SAXO3: variants seen among roughly 807,000 people sequenced by gnomAD.
SAXO3 encodes the protein stabilizer of axonemal microtubules 3, also known as CTB-60B18.10.
chr19:49,017,978 G>A, the SAXO3 span: 2 of 398,430 alleles, frequency 5.0e-6, no homozygotes, highest in African/African-American at 2.1e-5. Context: ...TCACACCAGC[G>A]CCGGCTTCAA....
At chr19:49,019,578 C>A in the SAXO3 span, 1 of 1,231,186 alleles carries the variant, frequency 8.1e-7, no homozygotes, top group Non-Finnish European at 1.0e-6. Flanking sequence ...AGCCGTGATT[C>A]CTTCTGGCCC....
chr19:49,018,899 C>A, the SAXO3 span: 69 of 1,534,324 alleles, frequency 4.5e-5, no homozygotes, highest in Non-Finnish European at 1.4e-5. Context: ...AGTCCCGCGC[C>A]GAGGTGGTCA....
the SAXO3 span, chr19:49,019,594 C>A: frequency 7.9e-7 from 1 of 1,258,458 alleles, no homozygotes; most frequent in Non-Finnish European, 1.0e-6. Context: ...GGCCCCGCCC[C>A]AGGCTCCCGG....
chr19:49,019,658 C>A, the SAXO3 span: 11 of 1,261,364 alleles, frequency 8.7e-6, no homozygotes, highest in Non-Finnish European at 1.1e-5. Flanking sequence ...TGGGAAGGAC[C>A]CCCGCGGTGG....
the SAXO3 span, chr19:49,018,332 A>G: frequency 2.0e-5 from 24 of 1,218,466 alleles, no homozygotes; most frequent in Admixed American, 3.4e-4. Context: ...GTATCCGGAC[A>G]GCTCCGTCCT....
chr19:49,020,147 A>G, the SAXO3 span: 3 of 610,256 alleles, frequency 4.9e-6, no homozygotes, highest in Non-Finnish European at 5.3e-6. Flanking sequence ...AGAAAGACTC[A>G]GGAGTCCCTA....
the SAXO3 span, chr19:49,018,265 G>C: frequency 9.8e-7 from 1 of 1,015,334 alleles, no homozygotes; most frequent in African/African-American, 1.7e-5. Context: ...GCGGGCCGTG[G>C]CTCCAGACCT....
chr19:49,019,908 C>A, the SAXO3 span: 1 of 1,474,514 alleles, frequency 6.8e-7, no homozygotes, highest in Admixed American at 2.0e-5. Context: ...CCAAACTTTA[C>A]CTTTTCTCCT....
chr19:49,019,615 C>T, the SAXO3 span: 1 of 1,259,316 alleles, frequency 7.9e-7, no homozygotes, highest in Non-Finnish European at 1.0e-6. Flanking sequence ...AGCTCCGCCC[C>T]GTCTCGCCGG....
chr19:49,020,416 G>T, the SAXO3 span: 388 of 399,288 alleles, frequency 9.7e-4, 3 homozygotes, highest in Admixed American at 2.6e-4. Flanking sequence ...GGGATAATGC[G>T]GTGGGAAAAG....
chr19:49,019,685 G>A, the SAXO3 span: 37 of 1,231,648 alleles, frequency 3.0e-5, no homozygotes, highest in Non-Finnish European at 3.8e-5. Context: ...GCGAGTTGTG[G>A]GGGCTGGGGC....
the SAXO3 span, chr19:49,018,232 G>A: frequency 1.4e-6 from 1 of 724,890 alleles, no homozygotes; most frequent in Non-Finnish European, 1.9e-6. Context: ...GCGGCCGGGA[G>A]GAGCGCGGAC....
At chr19:49,018,253 C>G in the SAXO3 span, 1 of 942,058 alleles carries the variant, frequency 1.1e-6, no homozygotes, top group Non-Finnish European at 1.4e-6. Context: ...AGGGCGGCCG[C>G]TGCGGGCCGT....
chr19:49,018,776 A>G, the SAXO3 span: 1 of 1,074,492 alleles, frequency 9.3e-7, no homozygotes, highest in East Asian at 2.6e-5. Flanking sequence ...GGCTGAGACC[A>G]CCGGCTCAGG....
chr19:49,019,988 C>T, the SAXO3 span: 1 of 1,510,606 alleles, frequency 6.6e-7, no homozygotes, highest in Admixed American at 2.2e-5. Context: ...GCAGGGCCCG[C>T]CATGGGTCTT....
the SAXO3 span, chr19:49,018,145 C>T: frequency 2.5e-6 from 1 of 402,146 alleles, no homozygotes; most frequent in East Asian, 3.6e-5. Flanking sequence ...ACTCCTGAGC[C>T]AGAGACAGGG....
the SAXO3 span, chr19:49,018,993 A>G: frequency 1.3e-6 from 2 of 1,532,736 alleles, no homozygotes; most frequent in South Asian, 1.2e-5. Flanking sequence ...CGTCCAGGCA[A>G]TTAGAGCCTG....
chr19:49,019,852 C>G, the SAXO3 span: 1 of 1,299,936 alleles, frequency 7.7e-7, no homozygotes, highest in Non-Finnish European at 1.0e-6. Flanking sequence ...GAGCAGGGGA[C>G]TCAAATGCAG....
At chr19:49,019,826 A>C in the SAXO3 span, 2 of 1,266,686 alleles carry the variant, frequency 1.6e-6, no homozygotes, top group East Asian at 2.9e-5. Flanking sequence ...AAGGCGACCC[A>C]GAGACTCACG....
Sources: gnomAD v4.1 joint callset for allele counts on GRCh38, gnomAD v4.1.1 for gene constraint, MANE v1.5 for transcripts, NCBI Gene and HGNC (gene_info 2026-07-23, HGNC 2026-07-21) for gene names.